Variants in WIPF1 observed in about 807,000 individuals in gnomAD.
WIPF1 encodes the protein WAS/WASL interacting protein family member 1.
A neutral mutation model predicts 35.4 loss-of-function variants in WIPF1; 13 were observed. That is an observed-to-expected ratio of 0.37 (90% CI 0.24 to 0.58). WIPF1 has a LOEUF of 0.58. Among genes scored for constraint, WIPF1 ranks in the 20% least tolerant of loss-of-function variants. The pLI is 0.74. For missense variants in WIPF1, 591 were observed against 667.0 expected, an observed-to-expected ratio of 0.89 and a Z score of 1.25; for synonymous variants, 267 against 266.3, an observed-to-expected ratio of 1.00 and a Z score of -0.02.
At chr2:174,656,282 T>C (rs1338311430) in intron 1 of WIPF1, 1 of 152,278 alleles carries the variant, frequency 6.6e-6, no homozygotes, top group African/African-American at 2.4e-5. Flanking sequence ...AAATGACTAA[T>C]GTTGTAAGCC....
intron 1 of WIPF1, among the ~76,000 whole-genome samples, chr2:174,644,641 C>A (rs1216547327): frequency 6.6e-6 from 1 of 152,142 alleles, no homozygotes; most frequent in African/African-American, 2.4e-5. Context: ...GGGTGGGTTT[C>A]CTACTACCTC....
Position 174,571,948 on chromosome 2 carries a change from G to A in WIPF1, c.857C>T (p.Pro286Leu), listed in dbSNP as rs779235427. Residue 286 changes from proline (P) to leucine (L), a missense_variant, in exon 5 of 8, where the codon CCT becomes CTT. This residue lies in a region of WIPF1 where 471 missense variants were observed against 501.1 expected (regional missense o/e 0.94). Coordinates refer to ENST00000679041, the MANE Select transcript of WIPF1 (RefSeq NM_001375834.1). The surrounding 1 kb of genome is among the most constrained non-coding windows in gnomAD (Gnocchi z 4.6). ...CACTGGAGGCTTGTTGTTCTGAGGA[G>A]GAGGAGGGGGAACCGCTTCCCTGTG... is the stretch of plus-strand genomic sequence containing the variant. The part of the protein sequence containing the change: ...SIHREAVPPP[P>L]PQNNKPPVPS... The A allele has an allele frequency of 1.5e-5, 24 of 1,582,014 alleles. No individual in the cohort carries two copies. In the African/African-American group the frequency reaches 3.0e-4, roughly 20 times the overall value.
At chr2:174,640,505 TA>T (rs1225137510) in intron 1 of WIPF1, among the ~76,000 whole-genome samples, 1 of 149,610 alleles carries the variant, frequency 6.7e-6, no homozygotes, top group African/African-American at 2.5e-5. Flanking sequence ...ACAATAAAAA[TA>T]AAATTAAAAA....
At chr2:174,657,976 TA>T (rs1333624546) in intron 1 of WIPF1, among the ~76,000 whole-genome samples, 95 of 146,618 alleles carry the variant, frequency 6.5e-4, no homozygotes, top group African/African-American at 2.3e-3. Context: ...TCTCCCTAGA[TA>T]AAAGTGCTCT....
rs529935855 is a variant in WIPF1 at position 174,616,425 on chromosome 2, C to T, written c.-38-30814G>A. Among the ~76,000 whole-genome samples the T allele has an allele frequency of 1.4e-4, 22 of 152,198 alleles. 1 individual carries two copies. Among genetic ancestry groups the T allele is most frequent in the African/African-American group, 4.8e-4 (20 of 41,516 alleles). On this transcript the variant is annotated intron_variant, in intron 1 of 8. Coordinates refer to the WIPF1 transcript ENST00000272746. ...TGGAATGGCAAGTCTGGCGTCCCTT[C>T]CTGAAGCCACTACTAGATCAGAAGT...
In WIPF1 at chr2:174,677,504, T is replaced by C. The variant is rs148083044; in HGVS notation, c.-39+5270A>G. Among the ~76,000 whole-genome samples the C allele has an allele frequency of 4.9e-3, 741 of 152,212 alleles. 4 individuals carry two copies. The highest frequency in any genetic ancestry group is 0.017 in the Middle Eastern group (5 of 294). On this transcript the variant is annotated intron_variant, in intron 1 of 8. Transcript: ENST00000272746. ...AAGCCACATGTGAAGCCCAGAACAA[T>C]AGCGATGGAAACTAAGAGAAGGCAG...
Position 174,611,134 on chromosome 2 carries a change from C to T in WIPF1, c.-38-25523G>A, listed in dbSNP as rs78817969. ...AGATTAAACAGACAAAATTGTCCACCGTCATGGAGCTTACACTCCTATCTG... is the reference window on the plus strand; with the variant it reads ...AGATTAAACAGACAAAATTGTCCACTGTCATGGAGCTTACACTCCTATCTG... On this transcript the variant is annotated intron_variant, in intron 1 of 8. Coordinates refer to the WIPF1 transcript ENST00000272746. 8.7e-3 allele frequency among the ~76,000 whole-genome samples: 1,327 copies of T among 152,192 alleles called. 18 individuals carry two copies. The highest frequency in any genetic ancestry group is 0.031 in the African/African-American group (1,282 of 41,498).
At chr2:174,589,428 T>C (rs1227371374) in intron 1 of WIPF1, among the ~76,000 whole-genome samples, 1 of 152,160 alleles carries the variant, frequency 6.6e-6, no homozygotes, top group Non-Finnish European at 1.5e-5. Context: ...AGCCTCCAAC[T>C]TCCCCAGAGA....
intron 1 of WIPF1, among the ~76,000 whole-genome samples, chr2:174,585,883 C>T (rs1469842579): frequency 6.6e-6 from 1 of 152,164 alleles, no homozygotes; most frequent in Non-Finnish European, 1.5e-5. Flanking sequence ...CATGACCGAC[C>T]CAGGTGGGCC....
At chr2:174,589,472 T>C (rs932844486) in intron 1 of WIPF1, among the ~76,000 whole-genome samples, 3 of 152,042 alleles carry the variant, frequency 2.0e-5, no homozygotes, top group African/African-American at 7.2e-5. Context: ...GAGGAGGGCT[T>C]CCCTCCTCTC....
At chr2:174,603,374 T>C (rs1686064174) in intron 1 of WIPF1, among the ~76,000 whole-genome samples, 1 of 152,238 alleles carries the variant, frequency 6.6e-6, no homozygotes, top group South Asian at 2.1e-4. Context: ...AAGTGAGTGT[T>C]GAATGTGACT....
chr2:174,575,465 C>T (rs975963156), intron 3 of WIPF1, 85 bp from the exon 4 acceptor site: 1 of 1,457,894 alleles, frequency 6.9e-7, no homozygotes, highest in Admixed American at 2.4e-5. Flanking sequence ...AGGGAGCTGG[C>T]CGGCTCTCGG....
rs749714102 is a variant in WIPF1, at chr2:174,594,020, T to C, written c.-39+3581A>G. ...CCTCACCCAGTTGGTTCTTATGCAT[T>C]GTTAGTCTCCATTTGAGCTGAATGT... On this transcript the variant is annotated intron_variant, in intron 1 of 7. Transcript: ENST00000679041. Among the ~76,000 whole-genome samples, 166 of 152,324 alleles carry C rather than the reference T, an allele frequency of 1.1e-3. 3 individuals are homozygous for C. Among genetic ancestry groups the C allele is most frequent in the Non-Finnish European group, 4.0e-4 (27 of 68,030 alleles).
chr2:174,591,673 T>TAC (rs71407131), intron 1 of WIPF1, among the ~76,000 whole-genome samples: 2,357 of 146,770 alleles, frequency 0.016, 36 homozygotes, highest in East Asian at 0.098. Flanking sequence ...CTTTGTTGCT[T>TAC]ACACACACAC....
rs190837167 is a variant in WIPF1 at position 174,615,453 on chromosome 2, G to A, written c.-38-29842C>T. ...AGTGTAGGCATAAAAGTTCTTAAAG[G>A]CTTAGAATTTACTCTTAAAATACTA... is the stretch of plus-strand genomic sequence containing the variant. On this transcript the variant is annotated intron_variant, in intron 1 of 8. Transcript: ENST00000272746. Among the ~76,000 whole-genome samples, 409 of 152,014 alleles carry A rather than the reference G, an allele frequency of 2.7e-3. 1 individual carries two copies. Among genetic ancestry groups the A allele is most frequent in the Admixed American group, 7.3e-3 (112 of 15,268 alleles).
At chr2:174,609,785 C>T (rs1046025404) in intron 1 of WIPF1, among the ~76,000 whole-genome samples, 4 of 152,178 alleles carry the variant, frequency 2.6e-5, no homozygotes, top group Admixed American at 1.3e-4. Flanking sequence ...GGGATGTCTA[C>T]ATGTGCCTGA....
intron 5 of WIPF1, among the ~76,000 whole-genome samples, chr2:174,569,872 A>G (rs1684776961): frequency 6.6e-6 from 1 of 152,194 alleles, no homozygotes; most frequent in African/African-American, 2.4e-5. Context: ...ACTGAAGCCA[A>G]ACAACTCAGA....
chr2:174,634,820 A>C (rs777927150), intron 1 of WIPF1, among the ~76,000 whole-genome samples: 1 of 152,164 alleles, frequency 6.6e-6, no homozygotes, highest in Non-Finnish European at 1.5e-5. Context: ...TCCTGACTCC[A>C]AAGGAACCTG....
rs943312416 is a variant in WIPF1, at chr2:174,571,851, C to T, written c.954G>A (p.Pro318=). Residue 318 remains proline, a synonymous_variant, in exon 5 of 8, where the codon CCG becomes CCA. Transcript: ENST00000679041. This position sits in a 1 kb window ranked among gnomAD's most constrained non-coding sequence, Gnocchi z 4.6. ...PPPPPPSRPG[P]PPLPPSSSGN... ...CGCTGGAACTTGGAGGCAGAGGAGGCGGCCCGGGCCTGCTGGGAGGTGGCG... is the reference window on the plus strand; with the variant it reads ...CGCTGGAACTTGGAGGCAGAGGAGGTGGCCCGGGCCTGCTGGGAGGTGGCG... 24 of 1,613,822 alleles carry T rather than the reference C, an allele frequency of 1.5e-5. No homozygotes were observed. The highest frequency in any genetic ancestry group is 1.9e-5 in the Non-Finnish European group (22 of 1,179,950).
Sources: allele counts gnomAD v4.1 joint callset (sites outside exome capture counted in the v4.1 genomes callset), GRCh38; gene constraint gnomAD v4.1.1; regional missense constraint gnomAD v4.1.1; non-coding constraint Gnocchi (gnomAD v3.1); transcripts MANE v1.5; gene names NCBI Gene and HGNC (gene_info 2026-07-23, HGNC 2026-07-21).